P4HA3: variants seen among roughly 807,000 people sequenced by gnomAD.
The protein encoded by P4HA3 is prolyl 4-hydroxylase subunit alpha-3.
P4HA3 carries 60 observed loss-of-function variants against 66.7 expected under a neutral mutation model. The observed-to-expected ratio is 0.90, with a 90% CI of 0.73 to 1.12. P4HA3 has a LOEUF of 1.12. P4HA3 is among the 50% of genes most tolerant of loss of function. P4HA3 has a pLI of 0.00. For missense variants in P4HA3, 683 were observed against 685.8 expected (o/e 1.00, Z 0.05); for synonymous variants, 263 against 274.6 (o/e 0.96, Z 0.42).
At chr11:74,252,007 G>A in intron 15 of P4HA3, 3 of 609,058 alleles carry the variant, frequency 4.9e-6, no homozygotes, top group South Asian at 4.3e-5. Context: ...GAGGAGGCTG[G>A]GATAGGAATC....
At chr11:74,266,194 G>A (rs1017400074), downstream of P4HA3, among the ~76,000 whole-genome samples, 20 of 151,884 alleles carry the variant, frequency 1.3e-4, no homozygotes, top group Admixed American at 1.3e-3. Flanking sequence ...CGGGGACAGT[G>A]GTGGGAGGTG....
intron 10 of P4HA3, among the ~76,000 whole-genome samples, chr11:74,273,200 T>C (rs182305598): frequency 2.6e-5 from 4 of 152,316 alleles, no homozygotes; most frequent in African/African-American, 9.6e-5. Flanking sequence ...GATTAGTCCA[T>C]GAGACCTCAA....
chr11:74,253,635 G>A (rs1030512883), intron 15 of P4HA3: 23 of 1,104,624 alleles, frequency 2.1e-5, no homozygotes, highest in African/African-American at 4.6e-5. Context: ...CCCGGTAGAC[G>A]GGCACCCCGA....
chr11:74,282,130 T>TAA (rs35940874), intron 7 of P4HA3, among the ~76,000 whole-genome samples: 23 of 135,362 alleles, frequency 1.7e-4, no homozygotes, highest in East Asian at 8.4e-4. Context: ...ATCAATGGTT[T>TAA]AAAAAAAAAA....
intron 4 of P4HA3, among the ~76,000 whole-genome samples, chr11:74,294,198 C>T (rs146407617): frequency 0.04 from 6,052 of 151,636 alleles, 128 homozygotes; most frequent in Middle Eastern, 0.11. Flanking sequence ...TCATTCATTT[C>T]GTCTTCCATC....
intron 9 of P4HA3, among the ~76,000 whole-genome samples, chr11:74,273,813 T>C (rs1860292878): frequency 6.6e-6 from 1 of 151,630 alleles, no homozygotes; most frequent in Non-Finnish European, 1.5e-5. Context: ...TAGATACTTA[T>C]ATAAAAGAAT....
At chr11:74,289,375 T>C (rs985638018) in intron 4 of P4HA3, among the ~76,000 whole-genome samples, 6 of 152,082 alleles carry the variant, frequency 3.9e-5, no homozygotes, top group Admixed American at 2.0e-4. Flanking sequence ...GGTAGGAAAA[T>C]AAATGAAAAT....
intron 5 of P4HA3, chr11:74,287,374 A>G: frequency 8.1e-7 from 1 of 1,233,206 alleles, no homozygotes; most frequent in South Asian, 1.3e-5. Context: ...AATGGAAATT[A>G]TAAGCCCAAA....
At chr11:74,298,685 A>G (rs1861303667) in intron 3 of P4HA3, among the ~76,000 whole-genome samples, 1 of 152,196 alleles carries the variant, frequency 6.6e-6, no homozygotes, top group African/African-American at 2.4e-5. Context: ...AAGGGAGGAG[A>G]CTTGGGAATC....
intron 8 of P4HA3, among the ~76,000 whole-genome samples, chr11:74,277,941 C>T (rs1565408745): frequency 6.6e-6 from 1 of 152,200 alleles, no homozygotes; most frequent in Non-Finnish European, 1.5e-5. Context: ...TGTGTTCATT[C>T]TTTCAAATAG....
intron 1 of P4HA3, among the ~76,000 whole-genome samples, chr11:74,308,601 C>T (rs112257581): frequency 3.3e-5 from 5 of 152,210 alleles, no homozygotes; most frequent in African/African-American, 1.2e-4. Flanking sequence ...GACAGAATGA[C>T]AGTCTTCAAA....
In P4HA3 at chr11:74,287,145, C is replaced by T. The variant is rs1213754707; in HGVS notation, c.770-754G>A. The T allele has an allele frequency of 2.5e-5, 31 of 1,231,296 alleles. No individual in the cohort carries two copies. The South Asian group carries it at 3.5e-4, about 14-fold the overall frequency. 76.3% of individuals were successfully genotyped at this position (1,231,296 alleles called of 1,614,324 possible). ...TTGTACCCACTTTGGCTGCAAGATG[C>T]CCCATGCATTGGCAGAGCTACCCGT... On this transcript the variant is annotated intron_variant, in intron 5 of 12. Transcript: ENST00000331597.
rs899590795 is a variant in P4HA3, at chr11:74,311,454, C to G, written c.158G>C (p.Arg53Pro). The G allele has an allele frequency of 1.9e-6, 3 of 1,539,734 alleles. No homozygotes were observed. Among genetic ancestry groups the G allele is most frequent in the African/African-American group, 2.8e-5 (2 of 71,926 alleles). ...PERRLLGLLRRYLRGEEARLR... is the reference protein window; with the variant it reads ...PERRLLGLLRPYLRGEEARLR... ...CCGCGCCTCCTCCCCGCGCAGGTACCGCCTCAGCAGCCCCAGCAGCCGGCG... is the reference window on the plus strand; with the variant it reads ...CCGCGCCTCCTCCCCGCGCAGGTACGGCCTCAGCAGCCCCAGCAGCCGGCG... The change falls in exon 1 of 13, where the codon CGG (arginine) becomes CCG (proline). Residue 53 changes from arginine (R) to proline (P), a missense_variant. Coordinates refer to ENST00000331597, the MANE Select transcript of P4HA3 (RefSeq NM_182904.5).
intron 7 of P4HA3, among the ~76,000 whole-genome samples, chr11:74,282,416 G>A (rs919875692): frequency 2.6e-5 from 4 of 152,188 alleles, no homozygotes; most frequent in South Asian, 2.1e-4. Context: ...CCATTCTTAT[G>A]AGGGACAGGG....
intron 1 of P4HA3, among the ~76,000 whole-genome samples, chr11:74,308,802 T>TA (rs1240033352): frequency 6.6e-6 from 1 of 152,206 alleles, no homozygotes; most frequent in Non-Finnish European, 1.5e-5. Context: ...GGCTTAGCAT[T>TA]TGTCCATCAA....
chr11:74,277,474 G>T (rs971761525), intron 8 of P4HA3, among the ~76,000 whole-genome samples: 1 of 152,330 alleles, frequency 6.6e-6, no homozygotes, highest in East Asian at 1.9e-4. Flanking sequence ...GGAAAAGCTT[G>T]TGATTTAGAG....
intron 2 of P4HA3, among the ~76,000 whole-genome samples, chr11:74,303,745 C>CG (rs1328436596): frequency 6.6e-6 from 1 of 151,714 alleles, no homozygotes; most frequent in African/African-American, 2.4e-5. Flanking sequence ...CACGACTCCC[C>CG]GGTAATTTTT....
intron 7 of P4HA3, 98 bp downstream of exon 7, chr11:74,285,711 G>C: frequency 7.7e-7 from 1 of 1,293,640 alleles, no homozygotes; most frequent in Non-Finnish European, 1.1e-6. Context: ...TTGGCTCTTT[G>C]AGGTGTCTAG....
At chr11:74,253,545 CT>C in intron 15 of P4HA3, 1 of 1,587,724 alleles carries the variant, frequency 6.3e-7, no homozygotes, top group Middle Eastern at 1.7e-4. Flanking sequence ...ACATCGAGCT[CT>C]GTTGTAAATA....
Sources: gnomAD v4.1 joint callset for allele counts (sites outside exome capture counted in the v4.1 genomes callset) on GRCh38, gnomAD v4.1.1 for gene constraint, MANE v1.5 for transcripts, NCBI Gene and HGNC (gene_info 2026-07-23, HGNC 2026-07-21) for gene names.